The following ADARB2 variants were observed in gnomAD, a reference collection of about 807,000 sequenced individuals.
ADARB2 encodes adenosine deaminase RNA specific B2 (inactive).
A neutral mutation model predicts 62.2 loss-of-function variants in ADARB2; 25 were observed. That is an observed-to-expected ratio of 0.40 (90% CI 0.29 to 0.56). The LOEUF (loss-of-function observed/expected upper bound fraction) is 0.56. Among genes scored for constraint, ADARB2 ranks in the 20% least tolerant of loss-of-function variants. The probability of loss-of-function intolerance (pLI) is 0.43; values close to 1 mark genes in which losing one functional copy is unlikely to be tolerated. For missense variants in ADARB2, 1,071 were observed against 1,077.4 expected, an observed-to-expected ratio of 0.99 and a Z score of 0.08; for synonymous variants, 572 against 500.8, an observed-to-expected ratio of 1.14 and a Z score of -1.90.
chr10:1,438,365 G>GGGTGGA (rs1830858540), intron 1 of ADARB2, among the ~76,000 whole-genome samples: 1 of 136,508 alleles, frequency 7.3e-6, no homozygotes, highest in African/African-American at 3.0e-5. Context: ...AGTCTCCTCA[G>GGGTGGA]CAGATGGAAG....
chr10:1,708,280 A>G (rs1373684462), intron 1 of ADARB2, among the ~76,000 whole-genome samples: 1 of 151,460 alleles, frequency 6.6e-6, no homozygotes, highest in Admixed American at 6.6e-5. Context: ...AAGGGGATGA[A>G]GAAAAGGGAC....
At chr10:1,441,058 G>T (rs541464831) in intron 1 of ADARB2, among the ~76,000 whole-genome samples, 1 of 152,326 alleles carries the variant, frequency 6.6e-6, no homozygotes, top group East Asian at 1.9e-4. Context: ...AGTGTCAGCT[G>T]AATCATTTCC....
intron 1 of ADARB2, among the ~76,000 whole-genome samples, chr10:1,688,886 T>TA (rs1834633368): frequency 6.6e-6 from 1 of 152,120 alleles, no homozygotes. Flanking sequence ...CATTTTAACG[T>TA]AAAAAAGTAG....
At chr10:1,354,820 G>C (rs78894682) in intron 3 of ADARB2, among the ~76,000 whole-genome samples, 9,987 of 152,278 alleles carry the variant, frequency 0.066, 360 homozygotes, top group African/African-American at 0.1. Context: ...AGTCCCAAAG[G>C]AAGGGGGCTC....
At chr10:1,424,398 G>A (rs1023841627) in intron 1 of ADARB2, among the ~76,000 whole-genome samples, 3 of 151,964 alleles carry the variant, frequency 2.0e-5, no homozygotes, top group Non-Finnish European at 4.4e-5. Context: ...CAGAGCCGTG[G>A]CTCCAAAAAC....
chr10:1,637,291 G>A (rs1016479402), intron 1 of ADARB2, among the ~76,000 whole-genome samples: 4 of 152,186 alleles, frequency 2.6e-5, no homozygotes, highest in Non-Finnish European at 5.9e-5. Flanking sequence ...CCAGCTCGGA[G>A]TGGGAAGGAA....
intron 1 of ADARB2, among the ~76,000 whole-genome samples, chr10:1,722,402 T>C (rs967999483): frequency 3.3e-5 from 5 of 152,354 alleles, no homozygotes; most frequent in Non-Finnish European, 7.3e-5. Context: ...TCAGTTAATC[T>C]AAGAAGTGAC....
intron 3 of ADARB2, among the ~76,000 whole-genome samples, chr10:1,352,518 C>T (rs997541198): frequency 4.6e-5 from 7 of 152,276 alleles, no homozygotes; most frequent in East Asian, 1.9e-4. Flanking sequence ...GAGCCAGGAC[C>T]GCGTCCTGTA....
At chr10:1,439,624 C>T (rs1331571455) in intron 1 of ADARB2, among the ~76,000 whole-genome samples, 1 of 126,042 alleles carries the variant, frequency 7.9e-6, no homozygotes, top group African/African-American at 2.9e-5. Context: ...TGATGGGGCT[C>T]CTGAGTCTCC....
chr10:1,262,439 A>G lies in ADARB2; in HGVS notation c.1192+8516T>C, dbSNP rs901757827. Reference sequence around the variant, plus strand: ...TACAATGAACTCAAACAAATTTACAAGAAAAATCAAACAACCCCATGAAAA... The same window carrying G: ...TACAATGAACTCAAACAAATTTACAGGAAAAATCAAACAACCCCATGAAAA... On this transcript the variant is annotated intron_variant, in intron 4 of 9. Transcript: ENST00000381312. Among the ~76,000 whole-genome samples, 4 of 152,126 alleles carry G rather than the reference A, an allele frequency of 2.6e-5. No individual in the cohort carries two copies. In the East Asian group the frequency reaches 7.7e-4, roughly 29 times the overall value.
At chr10:1,656,111 C>G (rs1044965995) in intron 1 of ADARB2, among the ~76,000 whole-genome samples, 2 of 152,210 alleles carry the variant, frequency 1.3e-5, no homozygotes, top group East Asian at 1.9e-4. Context: ...TATTAATGCA[C>G]TTCTGGGATA....
At chr10:1,548,614 AT>A (rs1325578804) in intron 1 of ADARB2, among the ~76,000 whole-genome samples, 1 of 152,250 alleles carries the variant, frequency 6.6e-6, no homozygotes, top group Non-Finnish European at 1.5e-5. Flanking sequence ...GATTTGGCAA[AT>A]GCGTGGGTTG....
intron 1 of ADARB2, among the ~76,000 whole-genome samples, chr10:1,428,854 TACACACACGG>T (rs1423789184): frequency 6.7e-6 from 1 of 149,272 alleles, no homozygotes; most frequent in African/African-American, 2.5e-5. Flanking sequence ...CACACACACA[TACACACACGG>T]ACACACACAC....
chr10:1,189,906 A>AGAACACGTGGCGCTACCTCCTTCCCCC (rs71507607), intron 8 of ADARB2, among the ~76,000 whole-genome samples: 20 of 144,520 alleles, frequency 1.4e-4, no homozygotes, highest in Admixed American at 2.0e-4. Flanking sequence ...CTCCTTCCCC[A>AGAACACGTGGCGCTACCTCCTTCCCCC]GAACACGTGG....
chr10:1,594,063 TG>T (rs1833301187), intron 1 of ADARB2, among the ~76,000 whole-genome samples: 1 of 152,020 alleles, frequency 6.6e-6, no homozygotes, highest in Non-Finnish European at 1.5e-5. Context: ...AGGCCGAGGC[TG>T]GTAGATCACG....
intron 3 of ADARB2, among the ~76,000 whole-genome samples, chr10:1,351,560 C>T (rs1032694049): frequency 9.9e-5 from 15 of 152,058 alleles, no homozygotes; most frequent in South Asian, 4.2e-4. Context: ...TATTCATTGC[C>T]GCCTTTTCCC....
chr10:1,642,503 A>T (rs1833989995), intron 1 of ADARB2, among the ~76,000 whole-genome samples: 2 of 152,222 alleles, frequency 1.3e-5, no homozygotes. Flanking sequence ...CCCAGTTGTT[A>T]TGGCTCAAAT....
chr10:1,265,958 C>T (rs1346847313), intron 4 of ADARB2, among the ~76,000 whole-genome samples: 18 of 130,034 alleles, frequency 1.4e-4, no homozygotes, highest in African/African-American at 5.1e-4. Context: ...AGAGGGGGGC[C>T]CAGACTCTCC....
Position 1,255,894 on chromosome 10 carries a change from A to AC in ADARB2, c.1193-13596dup, listed in dbSNP as rs1456657380. On this transcript the variant is annotated intron_variant, in intron 4 of 9. Transcript: ENST00000381312. The surrounding 1 kb of genome is among the most constrained non-coding windows in gnomAD (Gnocchi z 4.7). ...AGCATCCAGGCAGGCAAGCACATTGACAACCACATGTCAGCCCTGGGAGCT... is the reference window on the plus strand; with the variant it reads ...AGCATCCAGGCAGGCAAGCACATTGACCAACCACATGTCAGCCCTGGGAGCT... Among the ~76,000 whole-genome samples the AC allele has an allele frequency of 6.6e-6, 1 of 151,870 alleles. No homozygotes were observed. The highest frequency in any genetic ancestry group is 1.5e-5 in the Non-Finnish European group (1 of 68,048).
Sources: allele counts gnomAD v4.1 joint callset (sites outside exome capture counted in the v4.1 genomes callset), GRCh38; gene constraint gnomAD v4.1.1; non-coding constraint Gnocchi (gnomAD v3.1); transcripts MANE v1.5; gene names NCBI Gene and HGNC (gene_info 2026-07-23, HGNC 2026-07-21).